The following SMURF2 variants were observed in gnomAD, a reference collection of about 807,000 sequenced individuals.
SMURF2 encodes SMAD specific E3 ubiquitin protein ligase 2.
Under a neutral mutation model 109.6 loss-of-function variants are expected in SMURF2, and 48 were observed. The observed-to-expected ratio is 0.44, with a 90% CI of 0.35 to 0.56. SMURF2 has a LOEUF of 0.56. Ranked by LOEUF, SMURF2 falls within the 20% of genes least tolerant of loss-of-function variation. SMURF2 has a pLI of 0.01. For synonymous variants in SMURF2, 288 were observed against 317.1 expected (o/e 0.91, Z 0.97); for missense variants, 575 against 909.0 (o/e 0.63, Z 4.72).
At chr17:64,575,625 T>C (rs1399300262) in intron 9 of SMURF2, among the ~76,000 whole-genome samples, 1 of 151,696 alleles carries the variant, frequency 6.6e-6, no homozygotes, top group African/African-American at 2.4e-5. Context: ...AAATAGAGAG[T>C]ATCAAAGCAA....
At position 64,605,952 on chromosome 17, in the gene SMURF2, C is replaced by G. The variant is rs1243042370; in HGVS notation, c.91+650G>C. Among the ~76,000 whole-genome samples the G allele has an allele frequency of 5.4e-5, 8 of 148,570 alleles. 1 individual carries two copies. The highest frequency in any genetic ancestry group is 1.2e-4 in the Non-Finnish European group (8 of 67,260). On this transcript the variant is annotated intron_variant, in intron 2 of 18. Coordinates refer to ENST00000262435, the MANE Select transcript of SMURF2 (RefSeq NM_022739.4). ...TTTTTTTTTTCACTAAAAATTATAT[C>G]ATTTTTAACCAATAACTTAAAGCTA...
Position 64,547,502 on chromosome 17 carries a change from ATC to A in SMURF2, c.2071+96_2071+97del, listed in dbSNP as rs1598265314. On this transcript the variant is annotated intron_variant, in intron 17 of 18. Coordinates refer to ENST00000262435, the MANE Select transcript of SMURF2 (RefSeq NM_022739.4). The surrounding 1 kb of genome is among the most constrained non-coding windows in gnomAD (Gnocchi z 4.2). The stretch of plus-strand genomic sequence containing the variant: ...TCACAGATAAGAAGTGAAAAAGAGA[ATC>A]TCTAAGCACATGGTTTACAAAATAT... 2.1e-6 allele frequency: 2 copies of A among 968,878 alleles called. No individual in the cohort carries two copies. The highest frequency in any genetic ancestry group is 4.9e-5 in the East Asian group (2 of 40,796). 60.0% of individuals were successfully genotyped at this position (968,878 alleles called of 1,614,324 possible). A position where few individuals can be genotyped will look rare whatever the true frequency, so the allele number is the denominator to read the frequency against.
At chr17:64,596,810 T>A (rs1969825364) in intron 3 of SMURF2, among the ~76,000 whole-genome samples, 1 of 152,092 alleles carries the variant, frequency 6.6e-6, no homozygotes, top group African/African-American at 2.4e-5. Context: ...AGAAAAGATC[T>A]TTAGTTCTAT....
chr17:64,606,945 G>C (rs942644269), intron 1 of SMURF2, among the ~76,000 whole-genome samples: 1 of 151,874 alleles, frequency 6.6e-6, no homozygotes, highest in Non-Finnish European at 1.5e-5. Context: ...AGTGGCAATA[G>C]GAAAAATAGT....
At chr17:64,557,785 T>C in intron 12 of SMURF2, 63 bp from the exon 13 acceptor site, 1 of 815,826 alleles carries the variant, frequency 1.2e-6, no homozygotes, top group Admixed American at 2.3e-5. Flanking sequence ...TTAAGATATG[T>C]CATTAACTAA....
At chr17:64,622,300 C>T (rs1287408045) in intron 1 of SMURF2, among the ~76,000 whole-genome samples, 1 of 152,022 alleles carries the variant, frequency 6.6e-6, no homozygotes, top group Non-Finnish European at 1.5e-5. Flanking sequence ...TCATGAACAT[C>T]TAACATTAAT....
intron 10 of SMURF2, among the ~76,000 whole-genome samples, chr17:64,569,401 T>C (rs1406638893): frequency 6.6e-6 from 1 of 152,044 alleles, no homozygotes; most frequent in Non-Finnish European, 1.5e-5. Context: ...TTACTTGTAG[T>C]GTGAATTTTA....
chr17:64,580,989 G>T lies in SMURF2; in HGVS notation c.572C>A (p.Pro191Gln). 2.5e-6 allele frequency: 4 copies of T among 1,613,746 alleles called. No individual in the cohort carries two copies. The highest frequency in any genetic ancestry group is 3.4e-6 in the Non-Finnish European group (4 of 1,179,832). ...RTTQWERPTRPASEYSSPGRP... is the reference protein window; with the variant it reads ...RTTQWERPTRQASEYSSPGRP... The stretch of plus-strand genomic sequence containing the variant: ...GCCAGGGCTAGAATATTCGGATGCC[G>T]GTCTATTGAAAATTAACAAGGAAAA... Residue 191 changes from proline to glutamine, a missense_variant and splice_region_variant, in exon 8 of 19, where the codon CCG becomes CAG. This residue lies in a region of SMURF2 where 151 missense variants were observed against 178.4 expected (regional missense o/e 0.85). Coordinates refer to ENST00000262435, the MANE Select transcript of SMURF2 (RefSeq NM_022739.4).
intron 10 of SMURF2, among the ~76,000 whole-genome samples, chr17:64,570,686 T>C (rs1403383983): frequency 2.6e-5 from 4 of 152,224 alleles, no homozygotes; most frequent in South Asian, 2.1e-4. Context: ...TGGAAAGTCA[T>C]GTAACCTCTA....
intron 5 of SMURF2, among the ~76,000 whole-genome samples, chr17:64,590,144 C>CTT (rs200015210): frequency 0.064 from 8,809 of 136,810 alleles, 1,104 homozygotes; most frequent in African/African-American, 0.23. Context: ...TTTTTCTTTT[C>CTT]TTTTTTTTTT....
At position 64,593,562 on chromosome 17, in the gene SMURF2, T is replaced by C; in HGVS notation, c.212A>G (p.Lys71Arg). 1 of 1,560,442 alleles carries C rather than the reference T, an allele frequency of 6.4e-7. No individual in the cohort carries two copies. Among genetic ancestry groups the C allele is most frequent in the Non-Finnish European group, 8.7e-7 (1 of 1,147,880 alleles). The stretch of plus-strand genomic sequence containing the variant: ...TACACTGATCGTAACTGAATCAGAC[T>C]TTCCAATATACCTAAAAAACAAAAC... ...WNQHYDLYIG[K>R]SDSVTISVWN... The change falls in exon 4 of 19, where the codon AAG (lysine) becomes AGG (arginine). Residue 71 changes from lysine (K) to arginine (R), a missense_variant. By Grantham distance (26) the Lys-to-Arg change is conservative (BLOSUM62 2). This residue lies in a region of SMURF2 where 33 missense variants were observed against 66.0 expected (regional missense o/e 0.50). Coordinates refer to ENST00000262435, the MANE Select transcript of SMURF2 (RefSeq NM_022739.4).
intron 1 of SMURF2, among the ~76,000 whole-genome samples, chr17:64,653,397 A>C (rs538146874): frequency 6.6e-6 from 1 of 152,284 alleles, no homozygotes; most frequent in Non-Finnish European, 1.5e-5. Context: ...TCAAGTGCTG[A>C]CTAGGATGAG....
rs531776903 is a variant in SMURF2, at chr17:64,569,640, G to A, written c.1016+2158C>T. Among the ~76,000 whole-genome samples the A allele has an allele frequency of 2.6e-5, 4 of 152,166 alleles. No individual in the cohort carries two copies. In the South Asian group the frequency reaches 8.3e-4, roughly 32 times the overall value. On this transcript the variant is annotated intron_variant, in intron 10 of 18. Coordinates refer to ENST00000262435, the MANE Select transcript of SMURF2 (RefSeq NM_022739.4). ...GAAAATTCAAGTTAAAGTTACAATG[G>A]GAAACCATTAAACATCATCAGAACA...
At chr17:64,585,335 CAAT>C (rs1394960210) in intron 6 of SMURF2, among the ~76,000 whole-genome samples, 6 of 152,082 alleles carry the variant, frequency 3.9e-5, no homozygotes, top group Admixed American at 3.3e-4. Flanking sequence ...TTGAGGGTAA[CAAT>C]AATAGTAGCA....
At chr17:64,576,406 G>A (rs531615300) in intron 9 of SMURF2, among the ~76,000 whole-genome samples, 8 of 152,076 alleles carry the variant, frequency 5.3e-5, no homozygotes, top group Non-Finnish European at 1.2e-4. Flanking sequence ...GCTCACGCAT[G>A]TAATCCCAGC....
At chr17:64,638,999 G>A (rs1555692365) in intron 1 of SMURF2, among the ~76,000 whole-genome samples, 1 of 152,158 alleles carries the variant, frequency 6.6e-6, no homozygotes, top group African/African-American at 2.4e-5. Flanking sequence ...GTGTAACAAA[G>A]GGGAAGTCAG....
intron 1 of SMURF2, among the ~76,000 whole-genome samples, chr17:64,625,997 G>A (rs531997559): frequency 5.9e-5 from 9 of 152,176 alleles, no homozygotes; most frequent in African/African-American, 2.2e-4. Flanking sequence ...ATAGGGGCTG[G>A]GCCTGGTGGC....
At chr17:64,621,383 C>G (rs1427085445) in intron 1 of SMURF2, among the ~76,000 whole-genome samples, 2 of 151,632 alleles carry the variant, frequency 1.3e-5, no homozygotes, top group East Asian at 3.9e-4. Context: ...AGTTTGAGAC[C>G]AGCCTGGCCG....
chr17:64,546,224 G>A (rs2144581001), intron 18 of SMURF2, 39 bp downstream of exon 18: 1 of 1,583,672 alleles, frequency 6.3e-7, no homozygotes, highest in Non-Finnish European at 8.7e-7. Context: ...TAACACTTAT[G>A]TACATGGAAT....
Sources: allele counts gnomAD v4.1 joint callset (sites outside exome capture counted in the v4.1 genomes callset), GRCh38; gene constraint gnomAD v4.1.1; regional missense constraint gnomAD v4.1.1; non-coding constraint Gnocchi (gnomAD v3.1); transcripts MANE v1.5; gene names NCBI Gene and HGNC (gene_info 2026-07-23, HGNC 2026-07-21).